SLC12A8: variants seen among roughly 807,000 people sequenced by gnomAD.
SLC12A8 encodes solute carrier family 12 member 8.
A neutral mutation model predicts 75.6 loss-of-function variants in SLC12A8; 69 were observed. The ratio of observed to expected loss-of-function variants is 0.91; its 90% CI spans 0.75 to 1.11. SLC12A8 has a LOEUF of 1.11. Among genes scored for constraint, SLC12A8 ranks in the 50% most tolerant of loss-of-function variants. The pLI, the probability that SLC12A8 is intolerant of heterozygous loss-of-function variation, is 0.00. For missense variants in SLC12A8, 877 were observed against 896.7 expected (o/e 0.98, Z 0.28); for synonymous variants, 365 against 372.8 (o/e 0.98, Z 0.24).
At chr3:125,092,037 A>G in intron 11 of SLC12A8, 64 bp downstream of exon 11, 1 of 1,176,442 alleles carries the variant, frequency 8.5e-7, no homozygotes. Context: ...ACAGCCCAAG[A>G]TCACACATGT....
At chr3:125,135,914 A>G in intron 5 of SLC12A8, 132 bp from the exon 6 acceptor site, 1 of 506,444 alleles carries the variant, frequency 2.0e-6, no homozygotes, top group East Asian at 3.1e-5. Flanking sequence ...ACACACAGCG[A>G]CAGAGCGGGT....
chr3:125,137,184 G>C (rs1037486481), intron 5 of SLC12A8, among the ~76,000 whole-genome samples: 6 of 152,146 alleles, frequency 3.9e-5, no homozygotes, highest in Admixed American at 2.0e-4. Context: ...GAGGTCGCCC[G>C]CACTTCACAC....
chr3:125,146,807 G>T (rs547902), intron 5 of SLC12A8, among the ~76,000 whole-genome samples: 2 of 152,034 alleles, frequency 1.3e-5, no homozygotes, highest in Non-Finnish European at 2.9e-5. Flanking sequence ...GCCCAGCTAA[G>T]TTTGTACATT....
At chr3:125,205,577 A>G (rs1935212531) in intron 2 of SLC12A8, among the ~76,000 whole-genome samples, 1 of 152,220 alleles carries the variant, frequency 6.6e-6, no homozygotes, top group Non-Finnish European at 1.5e-5. Context: ...GTCAGTGTGC[A>G]TATGAAATGC....
chr3:125,085,262 T>C (rs1280003636), intron 13 of SLC12A8, among the ~76,000 whole-genome samples: 7 of 152,222 alleles, frequency 4.6e-5, no homozygotes, highest in African/African-American at 1.7e-4. Flanking sequence ...GGTGAAACCA[T>C]TACATTCTTC....
intron 6 of SLC12A8, among the ~76,000 whole-genome samples, chr3:125,128,854 G>A (rs1933283773): frequency 6.6e-6 from 1 of 152,162 alleles, no homozygotes; most frequent in Non-Finnish European, 1.5e-5. Flanking sequence ...GGGGGAATGG[G>A]GGAAGTAGGC....
intron 10 of SLC12A8, among the ~76,000 whole-genome samples, chr3:125,103,302 C>T (rs1206702499): frequency 5.9e-5 from 9 of 152,046 alleles, no homozygotes; most frequent in Non-Finnish European, 1.0e-4. Context: ...CAGAGGAAAA[C>T]GTGAAGAGCC....
At chr3:125,108,305 G>A (rs72963849) in intron 9 of SLC12A8, among the ~76,000 whole-genome samples, 179 bp from the exon 10 acceptor site, 6,895 of 152,018 alleles carry the variant, frequency 0.045, 513 homozygotes, top group African/African-American at 0.16. Flanking sequence ...TCATGCATGC[G>A]AAATGCTTCA....
chr3:125,121,798 G>A (rs1933066406), intron 6 of SLC12A8, among the ~76,000 whole-genome samples: 1 of 152,208 alleles, frequency 6.6e-6, no homozygotes, highest in African/African-American at 2.4e-5. Flanking sequence ...TCCAAGCGAA[G>A]TGCAGTGAAG....
chr3:125,110,375 G>A, intron 8 of SLC12A8, 40 bp from the exon 9 acceptor site: 2 of 1,595,902 alleles, frequency 1.3e-6, no homozygotes, highest in East Asian at 2.2e-5. Flanking sequence ...GCCAGAACCT[G>A]CTCCTGTGCC....
intron 3 of SLC12A8, among the ~76,000 whole-genome samples, chr3:125,189,928 G>GGCC (rs2107795787): frequency 6.6e-6 from 1 of 152,110 alleles, no homozygotes; most frequent in East Asian, 1.9e-4. Flanking sequence ...AGAGGTAGGC[G>GGCC]GCCCACACCT....
chr3:125,190,585 G>A (rs572901957), intron 2 of SLC12A8, 64 bp from the exon 3 acceptor site: 2 of 1,581,084 alleles, frequency 1.3e-6, no homozygotes, highest in African/African-American at 1.3e-5. Context: ...TGGCATGAGA[G>A]TGGAACAGGA....
At chr3:125,101,189 T>C (rs1938866289) in intron 10 of SLC12A8, among the ~76,000 whole-genome samples, 1 of 152,232 alleles carries the variant, frequency 6.6e-6, no homozygotes, top group Non-Finnish European at 1.5e-5. Context: ...GACTGTCTCC[T>C]ATCATGAGCA....
intron 4 of SLC12A8, among the ~76,000 whole-genome samples, chr3:125,182,521 T>G (rs1394215226): frequency 6.6e-6 from 1 of 151,902 alleles, no homozygotes; most frequent in Non-Finnish European, 1.5e-5. Context: ...TTTTTTTTTT[T>G]TTTGAGACAG....
At position 125,191,028 on chromosome 3, in the gene SLC12A8, T is replaced by C. The variant is rs1051988268; in HGVS notation, c.52-507A>G. Among the ~76,000 whole-genome samples, 24 of 152,174 alleles carry C rather than the reference T, an allele frequency of 1.6e-4. 1 individual carries two copies. Among genetic ancestry groups the C allele is most frequent in the Admixed American group, 4.6e-4 (7 of 15,282 alleles). ...TAGCAGGGACAGCAGCTTCCGGCAG[T>C]TGACATTTGGCCAACCTTACTGAAG... On this transcript the variant is annotated intron_variant, in intron 2 of 13. Transcript: ENST00000469902.
intron 6 of SLC12A8, chr3:125,125,757 C>G (rs1160208442): frequency 5.4e-6 from 1 of 184,446 alleles, no homozygotes; most frequent in Non-Finnish European, 1.0e-5. Context: ...TTTCCTGATT[C>G]CAAGTCAGTG....
chr3:125,179,068 TCCTTCACTG>T (rs1327791845), intron 4 of SLC12A8, among the ~76,000 whole-genome samples: 1 of 152,202 alleles, frequency 6.6e-6, no homozygotes, highest in Non-Finnish European at 1.5e-5. Context: ...CTCAGGTTTG[TCCTTCACTG>T]CCCCCAGGGC....
chr3:125,157,065 G>A (rs538753016), intron 5 of SLC12A8, among the ~76,000 whole-genome samples: 1 of 152,096 alleles, frequency 6.6e-6, no homozygotes, highest in African/African-American at 2.4e-5. Flanking sequence ...ACTTCTGAAT[G>A]TTGCTACATT....
intron 5 of SLC12A8, among the ~76,000 whole-genome samples, chr3:125,176,181 G>T (rs185023267): frequency 5.6e-4 from 85 of 152,230 alleles, no homozygotes; most frequent in Non-Finnish European, 7.4e-5. Context: ...GCAAAAACAG[G>T]CCCCACTTCT....
Sources: gnomAD v4.1 joint callset for allele counts (sites outside exome capture counted in the v4.1 genomes callset) on GRCh38, gnomAD v4.1.1 for gene constraint, MANE v1.5 for transcripts, NCBI Gene and HGNC (gene_info 2026-07-23, HGNC 2026-07-21) for gene names.